Variants in ARRB1 observed in about 807,000 individuals in gnomAD.
ARRB1 encodes the protein arrestin beta 1, also known as beta-arrestin-1.
Under a neutral mutation model 56.8 loss-of-function variants are expected in ARRB1, and 21 were observed. The ratio of observed to expected loss-of-function variants is 0.37; its 90% CI spans 0.26 to 0.53. The LOEUF (loss-of-function observed/expected upper bound fraction) is 0.53, where lower values mean the gene tolerates loss of function less well. Among genes scored for constraint, ARRB1 ranks in the 20% least tolerant of loss-of-function variants. The probability of loss-of-function intolerance (pLI) is 0.88; values close to 1 mark genes in which losing one functional copy is unlikely to be tolerated. For missense variants in ARRB1, 424 were observed against 553.7 expected (o/e 0.77, Z 2.35); for synonymous variants, 210 against 218.6 (o/e 0.96, Z 0.35).
intron 1 of ARRB1, among the ~76,000 whole-genome samples, chr11:75,322,562 G>T (rs1055037768): frequency 1.3e-5 from 2 of 152,138 alleles, no homozygotes; most frequent in Non-Finnish European, 2.9e-5. Flanking sequence ...GGGTTCTAGG[G>T]GAAGACAGGG....
chr11:75,318,215 G>A (rs1318203712), intron 1 of ARRB1, among the ~76,000 whole-genome samples: 3 of 142,880 alleles, frequency 2.1e-5, no homozygotes, highest in African/African-American at 8.0e-5. Context: ...TGCCTCAGCT[G>A]GAGTACAGCA....
chr11:75,325,486 TA>T (rs1168131086), intron 1 of ARRB1, among the ~76,000 whole-genome samples: 1 of 152,132 alleles, frequency 6.6e-6, no homozygotes, highest in Non-Finnish European at 1.5e-5. Context: ...CACATCCAGC[TA>T]ACTTTTGTAT....
chr11:75,272,737 G>A (rs1946098918), intron 12 of ARRB1, 158 bp downstream of exon 12: 1 of 646,160 alleles, frequency 1.5e-6, no homozygotes, highest in Admixed American at 2.8e-5. Context: ...GGGGGAGAAA[G>A]AGGAACAGAA....
rs549051468 is a variant in ARRB1 at position 75,260,208 on chromosome 11, C to T, written c.*5955G>A. 1 of 152,286 alleles carries T rather than the reference C, an allele frequency of 6.6e-6. No individual in the cohort carries two copies. The highest frequency in any genetic ancestry group is 2.1e-4 in the South Asian group (1 of 4,826). 9.4% of individuals were successfully genotyped at this position (152,286 alleles called of 1,614,324 possible). A position where few individuals can be genotyped will look rare whatever the true frequency, so the allele number is the denominator to read the frequency against. ...AGTTGAATGAACTATAATAACTTGTCTGACATAATAAGAATGCCACAGGTA... is the reference window on the plus strand; with the variant it reads ...AGTTGAATGAACTATAATAACTTGTTTGACATAATAAGAATGCCACAGGTA... On this transcript the variant is annotated 3_prime_UTR_variant, in exon 16 of 16. Coordinates refer to ENST00000420843, the MANE Select transcript of ARRB1 (RefSeq NM_004041.5).
intron 1 of ARRB1, among the ~76,000 whole-genome samples, chr11:75,331,695 T>C (rs535058534): frequency 6.7e-6 from 1 of 149,732 alleles, no homozygotes; most frequent in African/African-American, 2.5e-5. Flanking sequence ...CTCCACTGAC[T>C]CTCTTTTCGG....
At chr11:75,266,453 T>C (rs554072191) in intron 15 of ARRB1, among the ~76,000 whole-genome samples, 179 bp from the exon 16 acceptor site, 2 of 152,116 alleles carry the variant, frequency 1.3e-5, no homozygotes, top group Non-Finnish European at 2.9e-5. Flanking sequence ...GGCTGGCACA[T>C]GTGGATGCCA....
At chr11:75,289,983 G>C in intron 2 of ARRB1, 26 bp downstream of exon 2, 1 of 1,614,034 alleles carries the variant, frequency 6.2e-7, no homozygotes, top group Admixed American at 1.7e-5. Context: ...TCAGGGAGGC[G>C]CTGGGCGCAG....
rs551417494 is a variant in ARRB1, at chr11:75,273,963, C to T, written c.914+111G>A. 30 of 1,525,792 alleles carry T rather than the reference C, an allele frequency of 2.0e-5. No homozygotes were observed. The South Asian group carries it at 3.1e-4, about 16-fold the overall frequency. The allele number at this position is 1,525,792 out of a possible 1,614,324, so 94.5% of individuals were successfully genotyped here. On this transcript the variant is annotated intron_variant, in intron 11 of 15. Coordinates refer to ENST00000420843, the MANE Select transcript of ARRB1 (RefSeq NM_004041.5). ...CACCTGAGGACAGGCCCTGACAAGG[C>T]TATGGAGAGGGTAGCCTGAGCCTTG... is the stretch of plus-strand genomic sequence containing the variant.
intron 1 of ARRB1, among the ~76,000 whole-genome samples, chr11:75,320,857 C>A (rs1947338897): frequency 1.3e-5 from 2 of 152,194 alleles, no homozygotes; most frequent in African/African-American, 2.4e-5. Flanking sequence ...GGCGCTGGGA[C>A]ACACTTCATT....
At chr11:75,341,113 A>AC (rs1206300041) in intron 1 of ARRB1, among the ~76,000 whole-genome samples, 3 of 151,898 alleles carry the variant, frequency 2.0e-5, no homozygotes, top group African/African-American at 7.3e-5. Context: ...GCTGAGATCC[A>AC]CCCTCAGTCT....
rs1163583128 is a variant in ARRB1, at chr11:75,265,948, T to C, written c.*215A>G. On this transcript the variant is annotated 3_prime_UTR_variant, in exon 16 of 16. Coordinates refer to ENST00000420843, the MANE Select transcript of ARRB1 (RefSeq NM_004041.5). ...AGGAGGGGAGTGGAGATGGCAGAGATGGGGTGGAGCCAGTGCGCTGTGGTC... is the reference window on the plus strand; with the variant it reads ...AGGAGGGGAGTGGAGATGGCAGAGACGGGGTGGAGCCAGTGCGCTGTGGTC... The C allele has an allele frequency of 7.2e-6, 4 of 558,314 alleles. No individual in the cohort carries two copies. Among genetic ancestry groups the C allele is most frequent in the Non-Finnish European group, 1.3e-5 (4 of 311,692 alleles). The allele number at this position is 558,314 out of a possible 1,614,324, so 34.6% of individuals were successfully genotyped here.
chr11:75,284,559 G>A (rs1162015904), intron 3 of ARRB1, among the ~76,000 whole-genome samples: 3 of 152,106 alleles, frequency 2.0e-5, no homozygotes, highest in East Asian at 1.9e-4. Context: ...ACCTAGGTCC[G>A]AAACTCCTAG....
At chr11:75,289,824 T>C (rs1040542716) in intron 2 of ARRB1, among the ~76,000 whole-genome samples, 185 bp downstream of exon 2, 1 of 152,106 alleles carries the variant, frequency 6.6e-6, no homozygotes, top group African/African-American at 2.4e-5. Flanking sequence ...CCTGAGTGTG[T>C]CCCTCCCCCT....
chr11:75,325,986 A>G (rs1947427434), intron 1 of ARRB1, among the ~76,000 whole-genome samples: 1 of 152,028 alleles, frequency 6.6e-6, no homozygotes, highest in Non-Finnish European at 1.5e-5. Context: ...AGCCAGGCTG[A>G]CCTCTCCCAT....
Position 75,265,378 on chromosome 11 carries a change from C to T in ARRB1, c.*785G>A, listed in dbSNP as rs957473363. ...TTGCTGAAGACCCCCTCCCTCCCTC[C>T]CTCTGCTTTTCTCTCTGTGCATATC... is the stretch of plus-strand genomic sequence containing the variant. On this transcript the variant is annotated 3_prime_UTR_variant, in exon 16 of 16. Transcript: ENST00000420843. The T allele has an allele frequency of 5.3e-5, 8 of 152,362 alleles. No individual in the cohort carries two copies. The highest frequency in any genetic ancestry group is 1.7e-4 in the African/African-American group (7 of 41,450). 9.4% of individuals were successfully genotyped at this position (152,362 alleles called of 1,614,324 possible).
chr11:75,303,310 G>A (rs1343406354), intron 1 of ARRB1, among the ~76,000 whole-genome samples: 1 of 152,012 alleles, frequency 6.6e-6, no homozygotes, highest in East Asian at 1.9e-4. Flanking sequence ...CTTTTTCCCA[G>A]TGTAGACATC....
intron 1 of ARRB1, among the ~76,000 whole-genome samples, chr11:75,344,838 G>T (rs2135001523): frequency 6.6e-6 from 1 of 152,304 alleles, no homozygotes; most frequent in East Asian, 1.9e-4. Context: ...AAGGCTGAGG[G>T]AAGGGTGTGG....
intron 1 of ARRB1, among the ~76,000 whole-genome samples, chr11:75,320,076 G>C (rs1404987707): frequency 1.3e-5 from 2 of 152,212 alleles, no homozygotes; most frequent in African/African-American, 4.8e-5. Flanking sequence ...CCCTGGAGTG[G>C]TCCTGCAGCC....
chr11:75,272,675 TG>T (rs1946097014), intron 12 of ARRB1: 3 of 520,912 alleles, frequency 5.8e-6, no homozygotes, highest in South Asian at 4.6e-5. Flanking sequence ...AAGAGATGGG[TG>T]GGGGTAAGAG....
Sources: gnomAD v4.1 joint callset for allele counts (sites outside exome capture counted in the v4.1 genomes callset) on GRCh38, gnomAD v4.1.1 for gene constraint, MANE v1.5 for transcripts, NCBI Gene and HGNC (gene_info 2026-07-23, HGNC 2026-07-21) for gene names.